The following CFAP210 variants were observed in gnomAD, a reference collection of about 807,000 sequenced individuals.
CFAP210 encodes the protein cilia and flagella associated protein 210.
At chr2:169,690,854 A>G in the CFAP210 span, among the ~76,000 whole-genome samples, 2 of 152,040 alleles carry the variant, frequency 1.3e-5, no homozygotes, top group Non-Finnish European at 2.9e-5. Context: ...CAACAGTTTG[A>G]TCATGATGTG....
At chr2:169,650,521 C>T in the CFAP210 span, 8 of 1,529,710 alleles carry the variant, frequency 5.2e-6, no homozygotes, top group East Asian at 4.7e-5. Flanking sequence ...TCTCCATAAG[C>T]CTATAACAAA....
chr2:169,648,726 C>T, the CFAP210 span, among the ~76,000 whole-genome samples: 3 of 152,248 alleles, frequency 2.0e-5, no homozygotes, highest in East Asian at 5.8e-4. Context: ...GCATACATTG[C>T]TGGTAGGAAT....
the CFAP210 span, chr2:169,674,618 C>T: frequency 5.0e-6 from 8 of 1,608,626 alleles, no homozygotes; most frequent in East Asian, 9.0e-5. Context: ...TTCTCTGTGT[C>T]GTTTTTCTGC....
At chr2:169,692,444 GCACACACACACACACA>G in the CFAP210 span, among the ~76,000 whole-genome samples, 1 of 143,666 alleles carries the variant, frequency 7.0e-6, no homozygotes. Context: ...ACAGGCGCAC[GCACACACACACACACA>G]CACACACACA....
the CFAP210 span, chr2:169,650,476 T>G: frequency 1.0e-5 from 16 of 1,597,856 alleles, no homozygotes; most frequent in East Asian, 3.4e-4. Context: ...CTTTCAACAG[T>G]TCACTCAGGA....
the CFAP210 span, among the ~76,000 whole-genome samples, chr2:169,687,981 T>C: frequency 1.3e-5 from 2 of 152,332 alleles, no homozygotes; most frequent in African/African-American, 4.8e-5. Context: ...CAACACCATG[T>C]GGAAGCTGCC....
chr2:169,651,008 C>A, the CFAP210 span, among the ~76,000 whole-genome samples: 1 of 151,690 alleles, frequency 6.6e-6, no homozygotes, highest in African/African-American at 2.4e-5. Context: ...GCGAGCACAT[C>A]ACGAGGTCAG....
chr2:169,648,693 A>G, the CFAP210 span, among the ~76,000 whole-genome samples: 1 of 152,214 alleles, frequency 6.6e-6, no homozygotes, highest in African/African-American at 2.4e-5. Flanking sequence ...AGTGTTGATG[A>G]GTATGTGGAG....
chr2:169,675,166 T>A, the CFAP210 span: 1 of 732,268 alleles, frequency 1.4e-6, no homozygotes, highest in Non-Finnish European at 2.0e-6. Context: ...TATTAATAAA[T>A]AAAATGAGGC....
At chr2:169,663,098 A>G in the CFAP210 span, among the ~76,000 whole-genome samples, 1 of 152,142 alleles carries the variant, frequency 6.6e-6, no homozygotes, top group Non-Finnish European at 1.5e-5. Flanking sequence ...TCCCACACTA[A>G]GCAGTTGATT....
the CFAP210 span, among the ~76,000 whole-genome samples, chr2:169,687,697 G>A: frequency 8.5e-5 from 13 of 152,140 alleles, no homozygotes; most frequent in South Asian, 6.2e-4. Context: ...TTTTCCAGGC[G>A]CATGGTGCAA....
At chr2:169,678,158 T>C in the CFAP210 span, among the ~76,000 whole-genome samples, 4 of 151,176 alleles carry the variant, frequency 2.6e-5, no homozygotes, top group African/African-American at 9.7e-5. Context: ...CTGACCAACA[T>C]AAAGAAACCC....
chr2:169,653,030 ATATATATATATATATATAT>A, the CFAP210 span, among the ~76,000 whole-genome samples: 30 of 9,060 alleles, frequency 3.3e-3, no homozygotes, highest in South Asian at 7.2e-3. Context: ...AAAAAAAAAA[ATATATATATATATATATAT>A]ATATATATAT....
the CFAP210 span, among the ~76,000 whole-genome samples, chr2:169,682,686 C>T: frequency 6.6e-6 from 1 of 151,928 alleles, no homozygotes; most frequent in African/African-American, 2.4e-5. Context: ...GGAAATTCAC[C>T]AAAATAGGAA....
chr2:169,677,076 A>G, the CFAP210 span, among the ~76,000 whole-genome samples: 2 of 152,216 alleles, frequency 1.3e-5, no homozygotes, highest in Non-Finnish European at 2.9e-5. Context: ...GCAGATGCAC[A>G]GAGAGGAGCA....
At chr2:169,691,905 C>T in the CFAP210 span, among the ~76,000 whole-genome samples, 2 of 152,206 alleles carry the variant, frequency 1.3e-5, no homozygotes, top group Admixed American at 6.5e-5. Context: ...AATAACTAGA[C>T]AGACATATCT....
chr2:169,678,131 G>A, the CFAP210 span, among the ~76,000 whole-genome samples: 290 of 150,912 alleles, frequency 1.9e-3, 1 homozygote, highest in Non-Finnish European at 3.0e-3. Flanking sequence ...ATCTGAGGTC[G>A]GGAGTTCGAG....
the CFAP210 span, among the ~76,000 whole-genome samples, chr2:169,650,852 A>G: frequency 1.3e-5 from 2 of 151,476 alleles, no homozygotes; most frequent in Non-Finnish European, 2.9e-5. Context: ...TAATCCCAAC[A>G]CTTTGGGAGG....
chr2:169,653,013 AAAAAAAAAAAAAAAAAATATATAT>A, the CFAP210 span, among the ~76,000 whole-genome samples: 10 of 57,526 alleles, frequency 1.7e-4, no homozygotes, highest in East Asian at 3.2e-3. Context: ...AAAAAAAAAA[AAAAAAAAAAAAAAAAAATATATAT>A]ATATATATAT....
Sources: allele counts gnomAD v4.1 joint callset (sites outside exome capture counted in the v4.1 genomes callset), GRCh38; gene constraint gnomAD v4.1.1; transcripts MANE v1.5; gene names NCBI Gene and HGNC (gene_info 2026-07-23, HGNC 2026-07-21).